NRXN1: variants seen among roughly 807,000 people sequenced by gnomAD.
NRXN1 encodes neurexin-1.
Under a neutral mutation model 150.9 loss-of-function variants are expected in NRXN1, and 39 were observed. The ratio of observed to expected loss-of-function variants is 0.26; its 90% CI spans 0.20 to 0.34. NRXN1 has a LOEUF of 0.34. Among genes scored for constraint, NRXN1 ranks in the 10% least tolerant of loss-of-function variants. NRXN1 has a pLI of 1.00. For missense variants in NRXN1, 1,815 were observed against 1,949.9 expected, an observed-to-expected ratio of 0.93 and a Z score of 1.30; for synonymous variants, 924 against 757.0, an observed-to-expected ratio of 1.22 and a Z score of -3.62.
At chr2:50,506,846 TACAA>T (rs2092250601) in intron 12 of NRXN1, 1 of 518,628 alleles carries the variant, frequency 1.9e-6, no homozygotes, top group South Asian at 2.7e-5. Context: ...TGACAACTTT[TACAA>T]ACATTCAGGT....
intron 3 of NRXN1, chr2:50,923,472 A>C (rs759241997): frequency 1.5e-5 from 4 of 259,092 alleles, no homozygotes; most frequent in African/African-American, 9.1e-5. Flanking sequence ...AGGACATTGA[A>C]ATTCCTTTAT....
At chr2:50,185,803 T>C (rs978844342) in intron 18 of NRXN1, among the ~76,000 whole-genome samples, 1 of 152,108 alleles carries the variant, frequency 6.6e-6, no homozygotes, top group Non-Finnish European at 1.5e-5. Flanking sequence ...TTACAACAAC[T>C]AGCTTTTATT....
At chr2:50,197,384 C>T (rs1342853650) in intron 18 of NRXN1, among the ~76,000 whole-genome samples, 1 of 151,982 alleles carries the variant, frequency 6.6e-6, no homozygotes, top group Non-Finnish European at 1.5e-5. Flanking sequence ...ACTTAGTTTC[C>T]TTTTCCTAAA....
chr2:50,634,656 G>C (rs1264114181), intron 5 of NRXN1, among the ~76,000 whole-genome samples: 1 of 151,940 alleles, frequency 6.6e-6, no homozygotes, highest in African/African-American at 2.4e-5. Context: ...TAAAAGTTTG[G>C]GCTAATTTAT....
At chr2:51,001,474 C>T (rs1421567691) in intron 2 of NRXN1, among the ~76,000 whole-genome samples, 1 of 151,886 alleles carries the variant, frequency 6.6e-6, no homozygotes, top group South Asian at 2.1e-4. Context: ...AAGATCCACA[C>T]ATTTATTAAA....
intron 17 of NRXN1, among the ~76,000 whole-genome samples, chr2:50,333,227 T>C (rs1239460150): frequency 6.6e-6 from 1 of 152,156 alleles, no homozygotes; most frequent in Non-Finnish European, 1.5e-5. Flanking sequence ...TCAAACCAGC[T>C]TATGGGGTTA....
At chr2:50,298,373 G>A (rs939499344) in intron 17 of NRXN1, among the ~76,000 whole-genome samples, 1 of 152,124 alleles carries the variant, frequency 6.6e-6, no homozygotes, top group Non-Finnish European at 1.5e-5. Flanking sequence ...AGGTTATGAT[G>A]CCTCAGTTTG....
chr2:50,446,406 CCCTT>C (rs1436474232), intron 17 of NRXN1, among the ~76,000 whole-genome samples: 5 of 127,654 alleles, frequency 3.9e-5, no homozygotes, highest in Non-Finnish European at 8.2e-5. Flanking sequence ...CCCTGCTTGC[CCCTT>C]CCTTCCTTCC....
At chr2:50,207,788 G>C (rs1473519490) in intron 18 of NRXN1, 3 of 164,680 alleles carry the variant, frequency 1.8e-5, no homozygotes, top group African/African-American at 7.2e-5. Flanking sequence ...CTATCATTTG[G>C]GAAAGTTCTC....
intron 18 of NRXN1, among the ~76,000 whole-genome samples, chr2:50,162,584 T>C (rs150631562): frequency 1.4e-3 from 216 of 151,982 alleles, no homozygotes; most frequent in African/African-American, 5.1e-3. Context: ...TATGAAATAA[T>C]AAAAAGGGCA....
At chr2:50,135,704 C>A (rs554549590) in intron 18 of NRXN1, among the ~76,000 whole-genome samples, 2 of 151,474 alleles carry the variant, frequency 1.3e-5, no homozygotes, top group South Asian at 4.2e-4. Flanking sequence ...AAACAAAAAA[C>A]GAAAAACAAA....
At chr2:50,680,395 A>T (rs897501937) in intron 5 of NRXN1, among the ~76,000 whole-genome samples, 1 of 152,136 alleles carries the variant, frequency 6.6e-6, no homozygotes, top group African/African-American at 2.4e-5. Context: ...TTTAAAATTA[A>T]AAAAGAAAAA....
chr2:50,777,667 C>A (rs1281813185), intron 5 of NRXN1, among the ~76,000 whole-genome samples: 1 of 152,042 alleles, frequency 6.6e-6, no homozygotes, highest in African/African-American at 2.4e-5. Context: ...ACTTGATATT[C>A]CATTGAGTAA....
intron 15 of NRXN1, among the ~76,000 whole-genome samples, chr2:50,493,462 C>T (rs566779935): frequency 2.6e-5 from 4 of 152,276 alleles, no homozygotes; most frequent in South Asian, 2.1e-4. Flanking sequence ...TAAGTGCTCC[C>T]TCAACGCCAG....
rs375239293 is a variant in NRXN1, at chr2:50,127,050, G to T, written c.3547-35556C>A. 2.0e-5 allele frequency among the ~76,000 whole-genome samples: 3 copies of T among 152,000 alleles called. No individual in the cohort carries two copies. The East Asian group carries it at 5.8e-4, about 29-fold the overall frequency. ...ACATCCTCTTTGTGCTTGCAATTAGGCTGCCTGCCAGGAGTTGAAATGATT... is the reference window on the plus strand; with the variant it reads ...ACATCCTCTTTGTGCTTGCAATTAGTCTGCCTGCCAGGAGTTGAAATGATT... On this transcript the variant is annotated intron_variant, in intron 18 of 22. Coordinates refer to ENST00000401669, the MANE Select transcript of NRXN1 (RefSeq NM_001330078.2).
intron 17 of NRXN1, among the ~76,000 whole-genome samples, chr2:50,302,610 G>C (rs1355507433): frequency 1.3e-5 from 2 of 152,106 alleles, no homozygotes; most frequent in Non-Finnish European, 2.9e-5. Context: ...AGTTGTATTA[G>C]TATCAACTTT....
At chr2:50,937,975 C>T (rs567570622) in intron 2 of NRXN1, among the ~76,000 whole-genome samples, 8 of 152,162 alleles carry the variant, frequency 5.3e-5, no homozygotes, top group Non-Finnish European at 1.0e-4. Flanking sequence ...GGCTATCAAC[C>T]CATGTAGCAT....
chr2:50,578,782 A>G (rs1370157522), intron 8 of NRXN1, among the ~76,000 whole-genome samples: 2 of 152,032 alleles, frequency 1.3e-5, no homozygotes, highest in Non-Finnish European at 2.9e-5. Context: ...AAGCTTTTTA[A>G]TTTATATTCT....
At chr2:50,953,195 G>C (rs937416290) in intron 2 of NRXN1, among the ~76,000 whole-genome samples, 1 of 152,136 alleles carries the variant, frequency 6.6e-6, no homozygotes, top group Non-Finnish European at 1.5e-5. Context: ...ATTGAACAAA[G>C]TTGAAATTCT....
Sources: gnomAD v4.1 joint callset for allele counts (sites outside exome capture counted in the v4.1 genomes callset) on GRCh38, gnomAD v4.1.1 for gene constraint, MANE v1.5 for transcripts, NCBI Gene and HGNC (gene_info 2026-07-23, HGNC 2026-07-21) for gene names.